The following SCN2A variants were observed in gnomAD, a reference collection of about 807,000 sequenced individuals.
The protein encoded by SCN2A is sodium voltage-gated channel alpha subunit 2.
In SCN2A, 20 loss-of-function variants were observed where a neutral mutation model predicts 188.7. The observed-to-expected ratio is 0.11, with a 90% CI of 0.07 to 0.15. The LOEUF (loss-of-function observed/expected upper bound fraction) is 0.15. SCN2A is among the 10% of genes least tolerant of loss of function. SCN2A has a pLI of 1.00. For missense variants in SCN2A, 1,278 were observed against 2,445.0 expected, an observed-to-expected ratio of 0.52 and a Z score of 10.07; for synonymous variants, 804 against 833.1, an observed-to-expected ratio of 0.97 and a Z score of 0.60.
chr2:165,322,194 A>G (rs1375541336), intron 11 of SCN2A, among the ~76,000 whole-genome samples: 1 of 152,184 alleles, frequency 6.6e-6, no homozygotes, highest in African/African-American at 2.4e-5. Context: ...GTGAAAAAGC[A>G]CCATTTCCTC....
At chr2:165,366,498 C>T (rs950913943) in intron 18 of SCN2A, among the ~76,000 whole-genome samples, 2 of 151,792 alleles carry the variant, frequency 1.3e-5, no homozygotes, top group East Asian at 1.9e-4. Context: ...TTTGGGAGGC[C>T]GAGGCAGGCG....
Position 165,313,941 on chromosome 2 carries a change from G to A in SCN2A, c.1216G>A (p.Val406Met). 1 of 1,613,792 alleles carries A rather than the reference G, an allele frequency of 6.2e-7. No individual in the cohort carries two copies. The highest frequency in any genetic ancestry group is 8.5e-7 in the Non-Finnish European group (1 of 1,179,780). The stretch of plus-strand genomic sequence containing the variant: ...TGGGAAAACGTACATGATATTTTTT[G>A]TGCTGGTCATTTTCTTGGGCTCATT... ...AAGKTYMIFF[V>M]LVIFLGSFYL... Residue 406 changes from valine to methionine, a missense_variant, in exon 10 of 27, where the codon GTG becomes ATG. By Grantham distance (21) the Val-to-Met change is conservative. Coordinates refer to ENST00000375437, the MANE Select transcript of SCN2A (RefSeq NM_001040142.2).
rs1197734393 is a variant in SCN2A, at chr2:165,310,549, T to C, written c.924T>C (p.Asn308=). The stretch of plus-strand genomic sequence containing the variant: ...TGGATGGGAATGGTACTACTTTCAA[T>C]AGGACAGTGAGCATATTTAACTGGG... The part of the protein sequence containing the change: ...NSLDGNGTTF[N]RTVSIFNWDE... The change falls in exon 7 of 27, where the codon AAT becomes AAC. Residue 308 remains asparagine, a synonymous_variant. Coordinates refer to ENST00000375437, the MANE Select transcript of SCN2A (RefSeq NM_001040142.2). 3.1e-6 allele frequency: 5 copies of C among 1,612,776 alleles called. No individual in the cohort carries two copies. The highest frequency in any genetic ancestry group is 1.7e-5 in the Admixed American group (1 of 59,918).
rs559931747 is a variant in SCN2A, at chr2:165,365,194, C to A, written c.3451C>A (p.Pro1151Thr). ...SEGSTVDIGA[P>T]AEGEQPEVEP... The stretch of plus-strand genomic sequence containing the variant: ...AGGCAGCACGGTTGATATTGGAGCT[C>A]CCGCCGAGGGAGAACAGCCTGAGGT... Residue 1151 changes from proline (P) to threonine (T), a missense_variant, in exon 18 of 27, where the codon CCC becomes ACC. Physicochemically the swap from Pro to Thr is conservative, Grantham distance 38. This residue lies in a region of SCN2A where 228 missense variants were observed against 297.3 expected (regional missense o/e 0.77). Transcript: ENST00000375437. 6.2e-7 allele frequency: 1 copy of A among 1,613,800 alleles called. No homozygotes were observed. The highest frequency in any genetic ancestry group is 1.1e-5 in the South Asian group (1 of 91,060).
intron 1 of SCN2A, chr2:165,293,782 C>G (rs1166848244): frequency 2.1e-6 from 2 of 942,406 alleles, no homozygotes; most frequent in African/African-American, 3.6e-5. Context: ...TTTAATGTTT[C>G]GTTCCAAGAA....
intron 17 of SCN2A, among the ~76,000 whole-genome samples, 193 bp from the exon 18 acceptor site, chr2:165,364,950 A>G (rs1026891296): frequency 6.6e-6 from 1 of 152,144 alleles, no homozygotes; most frequent in Non-Finnish European, 1.5e-5. Flanking sequence ...TTAAAGAAAA[A>G]AAATACTATG....
intron 1 of SCN2A, among the ~76,000 whole-genome samples, chr2:165,252,147 G>A (rs1374055708): frequency 6.6e-6 from 1 of 151,804 alleles, no homozygotes; most frequent in Non-Finnish European, 1.5e-5. Flanking sequence ...AAAAATAGAA[G>A]CAAGTCAGGA....
intron 16 of SCN2A, among the ~76,000 whole-genome samples, chr2:165,347,066 A>T (rs2105323352): frequency 6.6e-6 from 1 of 152,270 alleles, no homozygotes; most frequent in East Asian, 1.9e-4. Context: ...CAGAAATACC[A>T]TTTGACCCAG....
intron 16 of SCN2A, among the ~76,000 whole-genome samples, chr2:165,346,975 T>G (rs975322861): frequency 6.6e-6 from 1 of 152,152 alleles, no homozygotes; most frequent in African/African-American, 2.4e-5. Context: ...GAAATAGGAA[T>G]GCTTTTACAT....
intron 1 of SCN2A, among the ~76,000 whole-genome samples, chr2:165,263,437 T>C (rs1356417277): frequency 6.6e-6 from 1 of 152,178 alleles, no homozygotes; most frequent in African/African-American, 2.4e-5. Context: ...AGTTTCATTC[T>C]CCTACATGTG....
At chr2:165,329,562 G>A (rs1302996440) in intron 13 of SCN2A, among the ~76,000 whole-genome samples, 1 of 152,024 alleles carries the variant, frequency 6.6e-6, no homozygotes, top group Non-Finnish European at 1.5e-5. Context: ...GTCAAGATGA[G>A]CCACACCTGC....
intron 2 of SCN2A, 153 bp downstream of exon 2, chr2:165,296,243 C>G: frequency 2.7e-6 from 2 of 734,862 alleles, no homozygotes; most frequent in South Asian, 1.7e-5. Flanking sequence ...GACCAATGAT[C>G]CTAGAAGTCT....
intron 14 of SCN2A, among the ~76,000 whole-genome samples, chr2:165,331,794 T>G (rs1487489619): frequency 1.3e-5 from 2 of 152,258 alleles, no homozygotes; most frequent in African/African-American, 4.8e-5. Context: ...ATTGCTTATT[T>G]ATTAGAAGAT....
chr2:165,260,171 C>G (rs919582767), intron 1 of SCN2A, among the ~76,000 whole-genome samples: 4 of 152,024 alleles, frequency 2.6e-5, no homozygotes, highest in African/African-American at 4.8e-5. Flanking sequence ...TCTCTATCTC[C>G]TGACCTCATG....
chr2:165,320,821 C>T lies in SCN2A; in HGVS notation c.1672-2335C>T, dbSNP rs554566188. The stretch of plus-strand genomic sequence containing the variant: ...CATGAAACCACTTTTTCCTCCTAGG[C>T]CTCCGAGCCTGTGACGGGAGGGGCT... On this transcript the variant is annotated intron_variant, in intron 11 of 26. Transcript: ENST00000375437. Among the ~76,000 whole-genome samples, 6 of 152,310 alleles carry T rather than the reference C, an allele frequency of 3.9e-5. No individual in the cohort carries two copies. The East Asian group carries it at 1.2e-3, about 29-fold the overall frequency.
chr2:165,291,646 G>A (rs1344218081), intron 1 of SCN2A, among the ~76,000 whole-genome samples: 1 of 144,214 alleles, frequency 6.9e-6, no homozygotes, highest in African/African-American at 2.6e-5. Context: ...GTGCAGTGGT[G>A]TGATCATAGC....
intron 3 of SCN2A, among the ~76,000 whole-genome samples, chr2:165,299,774 G>C (rs548213646): frequency 6.6e-6 from 1 of 152,290 alleles, no homozygotes; most frequent in East Asian, 1.9e-4. Context: ...AGTTAAAAAT[G>C]CTTGGAGAGA....
chr2:165,386,658 AT>A, intron 25 of SCN2A, 87 bp from the exon 26 acceptor site: 3 of 1,351,932 alleles, frequency 2.2e-6, no homozygotes, highest in South Asian at 2.6e-5. Context: ...TAAAAGCTAC[AT>A]TTTTTGTTGC....
intron 1 of SCN2A, among the ~76,000 whole-genome samples, chr2:165,281,752 A>C (rs1574493503): frequency 6.6e-6 from 1 of 152,294 alleles, no homozygotes; most frequent in African/African-American, 2.4e-5. Context: ...ACCAATTTAG[A>C]CATTATTACC....
Sources: allele counts gnomAD v4.1 joint callset (sites outside exome capture counted in the v4.1 genomes callset), GRCh38; gene constraint gnomAD v4.1.1; regional missense constraint gnomAD v4.1.1; transcripts MANE v1.5; gene names NCBI Gene and HGNC (gene_info 2026-07-23, HGNC 2026-07-21).